TAMM41: variants seen among roughly 807,000 people sequenced by gnomAD.
The protein encoded by TAMM41 is phosphatidate cytidylyltransferase, mitochondrial.
TAMM41 carries 36 observed loss-of-function variants against 44.1 expected under a neutral mutation model. That is an observed-to-expected ratio of 0.82 (90% CI 0.63 to 1.08). TAMM41 has a LOEUF of 1.08. Among genes scored for constraint, TAMM41 ranks in the 50% least tolerant of loss-of-function variants. TAMM41 has a pLI of 0.00. For missense variants in TAMM41, 417 were observed against 404.3 expected (o/e 1.03, Z -0.27); for synonymous variants, 164 against 153.1 (o/e 1.07, Z -0.53).
At chr3:11,801,906 A>C (rs1319313335) in intron 7 of TAMM41, among the ~76,000 whole-genome samples, 1 of 152,184 alleles carries the variant, frequency 6.6e-6, no homozygotes, top group Non-Finnish European at 1.5e-5. Flanking sequence ...AGACCAAAAA[A>C]CAATACAAAG....
At chr3:11,834,671 CT>C (rs762734745) in intron 3 of TAMM41, among the ~76,000 whole-genome samples, 38 of 152,098 alleles carry the variant, frequency 2.5e-4, no homozygotes, top group Non-Finnish European at 4.4e-5. Flanking sequence ...GAAAGTCCAT[CT>C]TTTTAAGCAA....
the TAMM41 span, among the ~76,000 whole-genome samples, chr3:11,739,970 A>G: frequency 6.6e-6 from 1 of 152,204 alleles, no homozygotes; most frequent in Non-Finnish European, 1.5e-5. Flanking sequence ...TTTGGAAGGA[A>G]GGAAAGAATG....
intron 7 of TAMM41, among the ~76,000 whole-genome samples, chr3:11,802,906 C>G (rs1472416012): frequency 6.6e-6 from 1 of 152,164 alleles, no homozygotes; most frequent in Non-Finnish European, 1.5e-5. Flanking sequence ...ATATACAAAT[C>G]AATAAATGTG....
intron 7 of TAMM41, among the ~76,000 whole-genome samples, chr3:11,805,956 G>C (rs1456495730): frequency 1.3e-5 from 2 of 152,194 alleles, no homozygotes; most frequent in Non-Finnish European, 2.9e-5. Context: ...GGTCTTTCCT[G>C]TGCTGTTTTC....
chr3:11,836,398 G>C (rs2079177743), intron 3 of TAMM41, among the ~76,000 whole-genome samples: 1 of 152,214 alleles, frequency 6.6e-6, no homozygotes, highest in South Asian at 2.1e-4. Context: ...TAGGTGGCAG[G>C]ACTGAATATG....
the TAMM41 span, among the ~76,000 whole-genome samples, chr3:11,773,005 G>A: frequency 1.3e-5 from 2 of 152,092 alleles, no homozygotes; most frequent in South Asian, 2.1e-4. Flanking sequence ...TGCCCAGGTT[G>A]GAGTGCAGTG....
At chr3:11,765,196 C>G in the TAMM41 span, among the ~76,000 whole-genome samples, 1 of 152,138 alleles carries the variant, frequency 6.6e-6, no homozygotes, top group South Asian at 2.1e-4. Flanking sequence ...AGTACAAACC[C>G]ATGATCAAGT....
At chr3:11,774,243 T>C in the TAMM41 span, among the ~76,000 whole-genome samples, 1 of 152,218 alleles carries the variant, frequency 6.6e-6, no homozygotes, top group Admixed American at 6.5e-5. Flanking sequence ...ACAGGAAAAC[T>C]TCCTGGATAA....
the TAMM41 span, among the ~76,000 whole-genome samples, chr3:11,735,958 G>A: frequency 6.6e-6 from 1 of 152,156 alleles, no homozygotes; most frequent in Non-Finnish European, 1.5e-5. Context: ...GTTAGGGGTT[G>A]AGATCAGAGA....
the TAMM41 span, among the ~76,000 whole-genome samples, chr3:11,750,437 T>C: frequency 6.6e-6 from 1 of 152,012 alleles, no homozygotes; most frequent in Non-Finnish European, 1.5e-5. Context: ...GCTTCTTGAG[T>C]AGCAGGGACT....
At chr3:11,781,221 A>T in the TAMM41 span, among the ~76,000 whole-genome samples, 3 of 152,226 alleles carry the variant, frequency 2.0e-5, no homozygotes, top group Admixed American at 6.5e-5. Flanking sequence ...CAGTTGTCAC[A>T]GTAGGACAGT....
chr3:11,817,263 G>C lies in TAMM41; in HGVS notation c.637C>G (p.Arg213Gly), dbSNP rs777022754. 1.2e-6 allele frequency: 2 copies of C among 1,613,480 alleles called. No homozygotes were observed. Among genetic ancestry groups the C allele is most frequent in the Non-Finnish European group, 8.5e-7 (1 of 1,179,616 alleles). The change falls in exon 5 of 8, where the codon CGA becomes GGA. Residue 213 changes from arginine (R) to glycine (G), a missense_variant. Transcript: ENST00000455809. ...NIVKPNIAHF[R>G]ELYGSILQEN... ...TGTAGTATGCTGCCATAGAGCTCTCGAAAGTGGGCTATATTGGGCTTCACA... is the reference window on the plus strand; with the variant it reads ...TGTAGTATGCTGCCATAGAGCTCTCCAAAGTGGGCTATATTGGGCTTCACA...
At chr3:11,739,919 T>C in the TAMM41 span, among the ~76,000 whole-genome samples, 1 of 152,162 alleles carries the variant, frequency 6.6e-6, no homozygotes, top group Non-Finnish European at 1.5e-5. Flanking sequence ...ATCCAGTGCC[T>C]GGCACAGAGC....
chr3:11,741,216 C>CA, the TAMM41 span, among the ~76,000 whole-genome samples: 471 of 61,748 alleles, frequency 7.6e-3, 28 homozygotes, highest in South Asian at 0.021. Flanking sequence ...GACACCGTCT[C>CA]AAAAAAAAAA....
the TAMM41 span, among the ~76,000 whole-genome samples, chr3:11,729,551 T>C: frequency 6.7e-5 from 3 of 45,000 alleles, no homozygotes; most frequent in African/African-American, 3.4e-4. Context: ...TTTTTTTTTT[T>C]TTTTTTTTTT....
chr3:11,734,531 C>G, the TAMM41 span, among the ~76,000 whole-genome samples: 2 of 152,120 alleles, frequency 1.3e-5, no homozygotes, highest in Admixed American at 1.3e-4. Context: ...ACTAATTACA[C>G]TGGTGTAATT....
chr3:11,835,925 T>G (rs757166758), intron 3 of TAMM41, among the ~76,000 whole-genome samples: 25 of 151,904 alleles, frequency 1.6e-4, no homozygotes, highest in Non-Finnish European at 2.9e-4. Context: ...TAACCCTACA[T>G]CTGTTAGATT....
chr3:11,805,035 C>A (rs1204007434), intron 7 of TAMM41, among the ~76,000 whole-genome samples: 5 of 109,794 alleles, frequency 4.6e-5, no homozygotes, highest in Non-Finnish European at 8.9e-5. Context: ...GAGACGAAGT[C>A]TCACTCTCGC....
At chr3:11,793,083 A>AAAGAG (rs1553566249) in intron 7 of TAMM41, among the ~76,000 whole-genome samples, 5 of 132,664 alleles carry the variant, frequency 3.8e-5, no homozygotes, top group African/African-American at 1.3e-4. Flanking sequence ...AAAAAAAAAA[A>AAAGAG]AGAGAGTGAA....
Sources: allele counts gnomAD v4.1 joint callset (sites outside exome capture counted in the v4.1 genomes callset), GRCh38; gene constraint gnomAD v4.1.1; transcripts MANE v1.5; gene names NCBI Gene and HGNC (gene_info 2026-07-23, HGNC 2026-07-21).